Variants in SULT1C3 observed in about 807,000 individuals in gnomAD.
SULT1C3 encodes the protein sulfotransferase 1C3.
SULT1C3 carries 31 observed loss-of-function variants against 28.4 expected under a neutral mutation model. That is an observed-to-expected ratio of 1.09 (90% CI 0.82 to 1.47). The LOEUF is 1.47. Ranked by LOEUF, SULT1C3 falls within the 40% of genes most tolerant of loss-of-function variation. The probability of loss-of-function intolerance (pLI) is 0.00; values close to 1 mark genes in which losing one functional copy is unlikely to be tolerated. For missense variants in SULT1C3, 307 were observed against 272.5 expected (o/e 1.13, Z -0.89); for synonymous variants, 106 against 92.2 (o/e 1.15, Z -0.86).
chr2:108,264,934 A>T (rs1218813072), downstream of SULT1C3: 10 of 1,613,984 alleles, frequency 6.2e-6, no homozygotes, highest in Non-Finnish European at 6.8e-6. Context: ...ATGAAGCAAA[A>T]CCCAATGACC....
chr2:108,247,070 T>A (rs1675599848), intron 1 of SULT1C3, 118 bp from the exon 2 acceptor site: 1 of 697,900 alleles, frequency 1.4e-6, no homozygotes, highest in South Asian at 6.9e-5. Context: ...ATGTTATATG[T>A]TAGCTTTCAC....
downstream of SULT1C3, among the ~76,000 whole-genome samples, chr2:108,263,074 T>C (rs1306522004): frequency 6.6e-6 from 1 of 152,228 alleles, no homozygotes; most frequent in African/African-American, 2.4e-5. Context: ...GTTTGCTTAA[T>C]TTAAATGGGT....
intron 2 of SULT1C3, among the ~76,000 whole-genome samples, chr2:108,249,085 C>G (rs552248171): frequency 6.6e-6 from 1 of 152,222 alleles, no homozygotes; most frequent in African/African-American, 2.4e-5. Context: ...TGGCAAAACA[C>G]CCTGAAGTCC....
downstream of SULT1C3, among the ~76,000 whole-genome samples, chr2:108,264,523 T>C (rs1286047844): frequency 6.6e-6 from 1 of 152,166 alleles, no homozygotes; most frequent in Non-Finnish European, 1.5e-5. Context: ...CCAAATCTCC[T>C]GGCACTCTGT....
chr2:108,253,034 CAAAA>C (rs1362886677), intron 3 of SULT1C3, among the ~76,000 whole-genome samples: 1 of 150,992 alleles, frequency 6.6e-6, no homozygotes, highest in Non-Finnish European at 1.5e-5. Flanking sequence ...TTCTGACAAA[CAAAA>C]GAGAGAGAGA....
downstream of SULT1C3, chr2:108,264,952 C>A (rs1676101325): frequency 6.2e-7 from 1 of 1,613,976 alleles, no homozygotes; most frequent in Middle Eastern, 1.7e-4. Context: ...ACCAACTATA[C>A]CACTTTGCCC....
At chr2:108,254,056 C>T (rs113765178) in intron 4 of SULT1C3, among the ~76,000 whole-genome samples, 2,156 of 152,104 alleles carry the variant, frequency 0.014, 19 homozygotes, top group South Asian at 0.047. Flanking sequence ...GACCTGCCCC[C>T]TCCAACCCCT....
chr2:108,241,083 G>GA (rs1273252069), intron 1 of SULT1C3, among the ~76,000 whole-genome samples: 1 of 152,226 alleles, frequency 6.6e-6, no homozygotes, highest in African/African-American at 2.4e-5. Flanking sequence ...AGACCTGTTA[G>GA]AAAGTGACAT....
In SULT1C3 at chr2:108,250,227, C is replaced by CA. The variant is rs547927648; in HGVS notation, c.173-2132dup. Among the ~76,000 whole-genome samples, 68 of 146,420 alleles carry CA rather than the reference C, an allele frequency of 4.6e-4. 1 individual carries two copies. The South Asian group carries it at 0.014, about 30-fold the overall frequency. On this transcript the variant is annotated intron_variant, in intron 2 of 7. Transcript: ENST00000681802. ...TATAAAGAACTGTTACAACTAAGAACAAAAAACAAAAAAAAAATGTATTAA... is the reference window on the plus strand; with the variant it reads ...TATAAAGAACTGTTACAACTAAGAACAAAAAAACAAAAAAAAAATGTATTAA...
chr2:108,262,597 T>C (rs1019375430), downstream of SULT1C3, among the ~76,000 whole-genome samples: 1 of 152,198 alleles, frequency 6.6e-6, no homozygotes, highest in Non-Finnish European at 1.5e-5. Context: ...GGTTTGAGAA[T>C]GCCTTGATGA....
downstream of SULT1C3, among the ~76,000 whole-genome samples, chr2:108,260,958 C>G (rs13005888): frequency 6.6e-6 from 1 of 151,898 alleles, no homozygotes; most frequent in Non-Finnish European, 1.5e-5. Flanking sequence ...GCATGACAGA[C>G]AGAGCAAAAA....
At chr2:108,252,679 T>G (rs933535336) in intron 3 of SULT1C3, among the ~76,000 whole-genome samples, 186 bp downstream of exon 3, 1 of 152,048 alleles carries the variant, frequency 6.6e-6, no homozygotes, top group Admixed American at 6.6e-5. Flanking sequence ...TCTTAGCTGG[T>G]GGCCTTTATC....
chr2:108,255,647 C>A lies in SULT1C3; in HGVS notation c.475C>A (p.Pro159Thr), dbSNP rs759153430. 2 of 1,611,540 alleles carry A rather than the reference C, an allele frequency of 1.2e-6. No homozygotes were observed. Among genetic ancestry groups the A allele is most frequent in the Non-Finnish European group, 1.7e-6 (2 of 1,178,336 alleles). Residue 159 changes from proline (P) to threonine (T), a missense_variant, in exon 5 of 8, where the codon CCT becomes ACT. Transcript: ENST00000681802. Reference sequence around the variant, plus strand: ...CTTTCACAGGATGGCTTCCTTTATGCCTGATCCTCAGAACTTAGAGGAATT... The same window carrying A: ...CTTTCACAGGATGGCTTCCTTTATGACTGATCCTCAGAACTTAGAGGAATT... ...YHFHRMASFM[P>T]DPQNLEEFYE...
In SULT1C3 at chr2:108,258,988, A is replaced by G. The variant is rs879927587; in HGVS notation, c.644A>G (p.Lys215Arg). 4 of 679,940 alleles carry G rather than the reference A, an allele frequency of 5.9e-6. No individual in the cohort carries two copies. The highest frequency in any genetic ancestry group is 4.5e-5 in the Admixed American group (2 of 44,456). 42.1% of individuals were successfully genotyped at this position (679,940 alleles called of 1,614,324 possible). Residue 215 changes from lysine to arginine, a missense_variant, in exon 7 of 8, where the codon AAG (lysine) becomes AGG (arginine). Coordinates refer to ENST00000681802, the MANE Select transcript of SULT1C3 (RefSeq NM_001320878.2). ...CAGAATCCAAAACATGAGATCCACA[A>G]GGTGTTGGAATTCTTGGAGAAAACT... Reference protein sequence around the residue: ...IKKNPKHEIHKVLEFLEKTWS... With the variant: ...IKKNPKHEIHRVLEFLEKTWS...
downstream of SULT1C3, among the ~76,000 whole-genome samples, chr2:108,264,281 T>C (rs1192691262): frequency 6.6e-6 from 1 of 152,240 alleles, no homozygotes; most frequent in Non-Finnish European, 1.5e-5. Flanking sequence ...TCTCTCTTTC[T>C]GTATCTCTTT....
intron 3 of SULT1C3, 45 bp from the exon 4 acceptor site, chr2:108,253,300 C>A (rs1675779487): frequency 8.0e-7 from 1 of 1,251,380 alleles, no homozygotes; most frequent in South Asian, 2.0e-5. Flanking sequence ...AGTATTTTGG[C>A]AGAGTGCCAA....
At chr2:108,242,537 G>T (rs1166664594) in intron 1 of SULT1C3, among the ~76,000 whole-genome samples, 1 of 152,124 alleles carries the variant, frequency 6.6e-6, no homozygotes, top group Non-Finnish European at 1.5e-5. Flanking sequence ...GTGGCCAAGA[G>T]CATGCTTCTC....
intron 4 of SULT1C3, among the ~76,000 whole-genome samples, chr2:108,254,460 C>T (rs1348574564): frequency 6.6e-6 from 1 of 151,908 alleles, no homozygotes; most frequent in African/African-American, 2.4e-5. Flanking sequence ...CATGTGTTTC[C>T]CCATCATTTT....
At chr2:108,265,128 C>T, downstream of SULT1C3, 1 of 1,453,462 alleles carries the variant, frequency 6.9e-7, no homozygotes, top group South Asian at 1.3e-5. Flanking sequence ...ACTGTACAAC[C>T]TTTGAGAGGC....
Sources: gnomAD v4.1 joint callset for allele counts (sites outside exome capture counted in the v4.1 genomes callset) on GRCh38, gnomAD v4.1.1 for gene constraint, MANE v1.5 for transcripts, NCBI Gene and HGNC (gene_info 2026-07-23, HGNC 2026-07-21) for gene names.